Variants in SLC24A3 observed in about 807,000 individuals in gnomAD.
SLC24A3 encodes sodium/potassium/calcium exchanger 3.
A neutral mutation model predicts 75.8 loss-of-function variants in SLC24A3; 28 were observed. The ratio of observed to expected loss-of-function variants is 0.37; its 90% CI spans 0.27 to 0.51. The LOEUF is 0.51. SLC24A3 is among the 20% of genes least tolerant of loss of function. The pLI is 0.94. For synonymous variants in SLC24A3, 372 were observed against 334.1 expected (o/e 1.11, Z -1.24); for missense variants, 663 against 847.8 (o/e 0.78, Z 2.71).
chr20:19,455,237 C>A (rs1252687112), intron 2 of SLC24A3, among the ~76,000 whole-genome samples: 1 of 152,180 alleles, frequency 6.6e-6, no homozygotes, highest in African/African-American at 2.4e-5. Flanking sequence ...AGAAAGTGAA[C>A]AATTTTTGTT....
intron 1 of SLC24A3, among the ~76,000 whole-genome samples, chr20:19,254,541 A>G (rs1329238251): frequency 6.6e-6 from 1 of 152,206 alleles, no homozygotes; most frequent in Non-Finnish European, 1.5e-5. Context: ...CTTCCAGTTT[A>G]ATAAATCCAG....
intron 6 of SLC24A3, among the ~76,000 whole-genome samples, chr20:19,639,579 G>A (rs954139220): frequency 2.0e-5 from 3 of 152,372 alleles, no homozygotes; most frequent in South Asian, 2.1e-4. Flanking sequence ...AGTGGATCCC[G>A]CACTGGGGCT....
chr20:19,297,537 G>T (rs1299868239), intron 2 of SLC24A3, among the ~76,000 whole-genome samples: 4 of 152,176 alleles, frequency 2.6e-5, no homozygotes, highest in African/African-American at 7.2e-5. Flanking sequence ...TGGATGTAAG[G>T]CTTCATAGCA....
chr20:19,667,192 A>G (rs1010627980), intron 8 of SLC24A3, among the ~76,000 whole-genome samples: 1 of 152,220 alleles, frequency 6.6e-6, no homozygotes, highest in Non-Finnish European at 1.5e-5. Flanking sequence ...GTTACTTGCT[A>G]TGTCAAGGTA....
At chr20:19,608,182 C>A (rs1047273822) in intron 6 of SLC24A3, among the ~76,000 whole-genome samples, 3 of 152,198 alleles carry the variant, frequency 2.0e-5, no homozygotes, top group Non-Finnish European at 2.9e-5. Context: ...TCGGTTTTAT[C>A]TTGATATTGG....
intron 2 of SLC24A3, among the ~76,000 whole-genome samples, chr20:19,485,544 T>C (rs1988115728): frequency 6.6e-6 from 1 of 152,250 alleles, no homozygotes; most frequent in African/African-American, 2.4e-5. Context: ...GACTGGGGAC[T>C]TCATTCCTTC....
At chr20:19,403,927 AC>A (rs1418647038) in intron 2 of SLC24A3, among the ~76,000 whole-genome samples, 2 of 152,214 alleles carry the variant, frequency 1.3e-5, no homozygotes, top group African/African-American at 4.8e-5. Flanking sequence ...AAAATGGGTA[AC>A]CCTCATGATA....
chr20:19,623,033 A>G (rs995213925), intron 6 of SLC24A3, among the ~76,000 whole-genome samples: 1 of 152,186 alleles, frequency 6.6e-6, no homozygotes, highest in African/African-American at 2.4e-5. Context: ...AACACCTCCC[A>G]CTTGGTCCCA....
intron 1 of SLC24A3, among the ~76,000 whole-genome samples, chr20:19,276,216 A>G (rs1218638410): frequency 1.3e-5 from 2 of 152,000 alleles, no homozygotes; most frequent in Non-Finnish European, 2.9e-5. Context: ...ATAGCCCTCC[A>G]TGTCATAATT....
intron 2 of SLC24A3, among the ~76,000 whole-genome samples, chr20:19,454,242 G>A (rs143254985): frequency 1.2e-4 from 18 of 152,230 alleles, no homozygotes; most frequent in Admixed American, 5.2e-4. Context: ...CAGAGTAGCC[G>A]GGGAAGACCC....
At chr20:19,224,839 G>A (rs767842845) in intron 1 of SLC24A3, among the ~76,000 whole-genome samples, 4 of 152,038 alleles carry the variant, frequency 2.6e-5, no homozygotes, top group African/African-American at 4.8e-5. Flanking sequence ...GAAAGTTAAG[G>A]TTATAAAAAT....
intron 2 of SLC24A3, among the ~76,000 whole-genome samples, chr20:19,371,976 A>T (rs1168019918): frequency 6.6e-6 from 1 of 152,050 alleles, no homozygotes; most frequent in Non-Finnish European, 1.5e-5. Context: ...AAGATGGTAA[A>T]TCCCTATGCC....
intron 15 of SLC24A3, 52 bp downstream of exon 15, chr20:19,698,732 G>A: frequency 7.2e-7 from 1 of 1,381,404 alleles, no homozygotes; most frequent in Non-Finnish European, 1.0e-6. Flanking sequence ...ACGTGACTGT[G>A]TTTTAACAGC....
At chr20:19,530,087 T>A (rs2030269361) in intron 3 of SLC24A3, among the ~76,000 whole-genome samples, 1 of 152,166 alleles carries the variant, frequency 6.6e-6, no homozygotes, top group African/African-American at 2.4e-5. Context: ...CTTTATTTTT[T>A]ATTTTTTTAA....
At chr20:19,557,163 T>A (rs2030801278) in intron 3 of SLC24A3, among the ~76,000 whole-genome samples, 1 of 152,184 alleles carries the variant, frequency 6.6e-6, no homozygotes, top group African/African-American at 2.4e-5. Context: ...CCTAGTGATA[T>A]CTTGACTTTT....
chr20:19,519,530 C>G (rs557808064), intron 3 of SLC24A3, among the ~76,000 whole-genome samples: 3 of 152,192 alleles, frequency 2.0e-5, no homozygotes, highest in Non-Finnish European at 4.4e-5. Context: ...GGCTGTTTGT[C>G]ATGTATGGTT....
intron 2 of SLC24A3, among the ~76,000 whole-genome samples, chr20:19,373,776 G>T (rs959987649): frequency 5.9e-5 from 9 of 152,124 alleles, no homozygotes; most frequent in African/African-American, 2.2e-4. Context: ...CATTTTCCTG[G>T]AGTGGGTGGG....
At chr20:19,444,590 G>C (rs1987349212) in intron 2 of SLC24A3, among the ~76,000 whole-genome samples, 1 of 133,256 alleles carries the variant, frequency 7.5e-6, no homozygotes, top group African/African-American at 3.1e-5. Flanking sequence ...TATCATCTAG[G>C]TTATCAAATT....
intron 2 of SLC24A3, among the ~76,000 whole-genome samples, chr20:19,351,983 C>A (rs111573602): frequency 1.3e-5 from 2 of 151,926 alleles, no homozygotes; most frequent in South Asian, 4.2e-4. Context: ...GTGAGGACTC[C>A]GGAGCCTGTG....
Sources: allele counts gnomAD v4.1 joint callset (sites outside exome capture counted in the v4.1 genomes callset), GRCh38; gene constraint gnomAD v4.1.1; transcripts MANE v1.5; gene names NCBI Gene and HGNC (gene_info 2026-07-23, HGNC 2026-07-21).